The following IRAG1 variants were observed in gnomAD, a reference collection of about 807,000 sequenced individuals.
IRAG1 encodes inositol 1,4,5-triphosphate receptor associated 1.
Under a neutral mutation model 106.2 loss-of-function variants are expected in IRAG1, and 62 were observed. The observed-to-expected ratio is 0.58, with a 90% CI of 0.48 to 0.72. The LOEUF (loss-of-function observed/expected upper bound fraction) is 0.72, where lower values mean the gene tolerates loss of function less well. IRAG1 is among the 30% of genes least tolerant of loss of function. The probability of loss-of-function intolerance (pLI) is 0.00; values close to 1 mark genes in which losing one functional copy is unlikely to be tolerated. For synonymous variants in IRAG1, 462 were observed against 443.9 expected, an observed-to-expected ratio of 1.04 and a Z score of -0.51; for missense variants, 1,064 against 1,140.7, an observed-to-expected ratio of 0.93 and a Z score of 0.97.
At chr11:10,581,744 TG>T in intron 19 of IRAG1, 122 bp downstream of exon 19, 1 of 1,207,612 alleles carries the variant, frequency 8.3e-7, no homozygotes, top group Non-Finnish European at 1.1e-6. Context: ...TTCCTTCCTG[TG>T]GCAAGGAGGT....
chr11:10,577,975 C>G (rs887789659), intron 20 of IRAG1, among the ~76,000 whole-genome samples: 5 of 152,180 alleles, frequency 3.3e-5, no homozygotes, highest in Non-Finnish European at 7.4e-5. Context: ...TCTCTAGATT[C>G]TATTTAGACA....
At chr11:10,681,001 A>G (rs1431192102) in intron 1 of IRAG1, among the ~76,000 whole-genome samples, 1 of 152,150 alleles carries the variant, frequency 6.6e-6, no homozygotes, top group Non-Finnish European at 1.5e-5. Flanking sequence ...GGGAGGAGAA[A>G]GTGCTATGCA....
intron 10 of IRAG1, among the ~76,000 whole-genome samples, chr11:10,615,724 T>C (rs1215280525): frequency 6.6e-6 from 1 of 151,768 alleles, no homozygotes; most frequent in Non-Finnish European, 1.5e-5. Context: ...TAGGCGGGAA[T>C]TGAACAATGA....
In IRAG1 at chr11:10,680,413, G is replaced by GGAAAGAAAGAAA. The variant is rs1554935727; in HGVS notation, c.67+13122_67+13123insTTTCTTTCTTTC. On this transcript the variant is annotated intron_variant, in intron 1 of 20. Coordinates refer to ENST00000423302, the MANE Select transcript of IRAG1 (RefSeq NM_130385.4). ...GGAAGGAAGGAAGGAAGGAAAGAAA[G>GGAAAGAAAGAAA]GGAAAGAAAGAAAGAGAGGGAAGGA... Among the ~76,000 whole-genome samples, 257 of 65,750 alleles carry GGAAAGAAAGAAA rather than the reference G, an allele frequency of 3.9e-3. 3 individuals are homozygous for GGAAAGAAAGAAA. Among genetic ancestry groups the GGAAAGAAAGAAA allele is most frequent in the African/African-American group, 0.018 (247 of 13,484 alleles). The allele number at this position is 65,750 out of a possible 152,430, so 43.1% of individuals were successfully genotyped here. A position where few individuals can be genotyped will look rare whatever the true frequency, so the allele number is the denominator to read the frequency against.
chr11:10,641,476 A>G (rs983375962), intron 2 of IRAG1, among the ~76,000 whole-genome samples: 1 of 152,126 alleles, frequency 6.6e-6, no homozygotes, highest in African/African-American at 2.4e-5. Context: ...GGCCACCTTC[A>G]CCCGGCTCCA....
intron 1 of IRAG1, among the ~76,000 whole-genome samples, chr11:10,678,417 T>G (rs1313802550): frequency 6.6e-6 from 1 of 152,154 alleles, no homozygotes; most frequent in Non-Finnish European, 1.5e-5. Context: ...GAGCTTTCCT[T>G]TGTCTAAGCT....
intron 12 of IRAG1, among the ~76,000 whole-genome samples, chr11:10,604,868 G>A (rs1033898835): frequency 6.6e-6 from 1 of 152,218 alleles, no homozygotes; most frequent in East Asian, 1.9e-4. Context: ...ATAAACTCAG[G>A]CCAGTACAGC....
intron 1 of IRAG1, among the ~76,000 whole-genome samples, chr11:10,681,964 G>A (rs1861295208): frequency 6.6e-6 from 1 of 152,116 alleles, no homozygotes; most frequent in Non-Finnish European, 1.5e-5. Context: ...AAAACTCCAA[G>A]TATGAGTTTC....
chr11:10,580,474 C>T lies in IRAG1; in HGVS notation c.2476G>A (p.Glu826Lys), dbSNP rs778376788. 4.3e-6 allele frequency: 7 copies of T among 1,613,130 alleles called. No homozygotes were observed. The South Asian group carries it at 7.7e-5, about 18-fold the overall frequency. The change falls in exon 20 of 21, where the codon GAA (glutamate) becomes AAA (lysine). Residue 826 changes from glutamate to lysine, a missense_variant. Coordinates refer to ENST00000423302, the MANE Select transcript of IRAG1 (RefSeq NM_130385.4). ...TCCCACCTGCTTCTTGGGCCCTTTT[C>T]CTCTTCCTCAGTTTCTTCTACCTCT... ...PEEVEETEEE[E>K]KGPRSSKLEE...
intron 2 of IRAG1, among the ~76,000 whole-genome samples, chr11:10,637,841 T>C (rs1857251017): frequency 6.6e-6 from 1 of 151,942 alleles, no homozygotes; most frequent in African/African-American, 2.4e-5. Context: ...GGAAGCAGTG[T>C]GTCAAATGGC....
chr11:10,624,195 G>C (rs2134549591), intron 9 of IRAG1, among the ~76,000 whole-genome samples: 1 of 152,336 alleles, frequency 6.6e-6, no homozygotes, highest in African/African-American at 2.4e-5. Context: ...CACAGGGGCA[G>C]AACTAAGGGC....
At chr11:10,663,132 G>A (rs1859523456) in intron 1 of IRAG1, among the ~76,000 whole-genome samples, 1 of 152,178 alleles carries the variant, frequency 6.6e-6, no homozygotes, top group Non-Finnish European at 1.5e-5. Flanking sequence ...CCAGGAACCA[G>A]AAGAGGCACC....
chr11:10,647,440 T>TGCA lies in IRAG1; in HGVS notation c.225+4582_225+4584dup. Among the ~76,000 whole-genome samples, 1 of 152,196 alleles carries TGCA rather than the reference T, an allele frequency of 6.6e-6. No homozygotes were observed. Among genetic ancestry groups the TGCA allele is most frequent in the Non-Finnish European group, 1.5e-5 (1 of 68,026 alleles). Reference sequence around the variant, plus strand: ...GCTATTATTATTAAGTGGCTTTGTGTGCAGCGGAGGTAGGGGAACAGGGGA... The same window carrying TGCA: ...GCTATTATTATTAAGTGGCTTTGTGTGCAGCAGCGGAGGTAGGGGAACAGGGGA... On this transcript the variant is annotated intron_variant, in intron 2 of 20. Coordinates refer to ENST00000423302, the MANE Select transcript of IRAG1 (RefSeq NM_130385.4). The surrounding 1 kb of genome is among the most constrained non-coding windows in gnomAD (Gnocchi z 4.3).
rs1853491931 is a variant in IRAG1, at chr11:10,597,729, A to G, written c.2017+3189T>C. 2.0e-5 allele frequency among the ~76,000 whole-genome samples: 3 copies of G among 152,234 alleles called. No homozygotes were observed. In the South Asian group the frequency reaches 6.2e-4, roughly 32 times the overall value. On this transcript the variant is annotated intron_variant, in intron 15 of 20. Coordinates refer to ENST00000423302, the MANE Select transcript of IRAG1 (RefSeq NM_130385.4). The stretch of plus-strand genomic sequence containing the variant: ...TATTTTCCGAGGTTCTTAGGATATA[A>G]TCCTATTGTTTTGTGTAACTGATGA...
chr11:10,631,739 C>T (rs1856706336), intron 4 of IRAG1, among the ~76,000 whole-genome samples: 1 of 152,240 alleles, frequency 6.6e-6, no homozygotes, highest in African/African-American at 2.4e-5. Flanking sequence ...AAATGAGTTT[C>T]ACTCAGCTGT....
At chr11:10,625,937 C>T in intron 9 of IRAG1, 29 bp downstream of exon 9, 2 of 1,447,444 alleles carry the variant, frequency 1.4e-6, no homozygotes, top group Non-Finnish European at 9.1e-7. Context: ...GGAGTACACA[C>T]TCTGCCCAAC....
intron 20 of IRAG1, among the ~76,000 whole-genome samples, chr11:10,577,087 T>A (rs961727157): frequency 1.3e-5 from 2 of 152,220 alleles, no homozygotes; most frequent in Admixed American, 1.3e-4. Context: ...GTAGAAGGAC[T>A]GTGCTAAACT....
At chr11:10,584,014 GGCTGGGAGGT>G (rs1182576103) in intron 18 of IRAG1, among the ~76,000 whole-genome samples, 1 of 152,122 alleles carries the variant, frequency 6.6e-6, no homozygotes, top group Non-Finnish European at 1.5e-5. Flanking sequence ...TTGGTAAGAT[GGCTGGGAGGT>G]GCTGGGAGAT....
At chr11:10,606,670 G>A in intron 12 of IRAG1, 72 bp downstream of exon 12, 1 of 1,457,016 alleles carries the variant, frequency 6.9e-7, no homozygotes, top group East Asian at 2.4e-5. Flanking sequence ...CTAGAGTCTG[G>A]AGGAAGAAAT....
Sources: allele counts gnomAD v4.1 joint callset (sites outside exome capture counted in the v4.1 genomes callset), GRCh38; gene constraint gnomAD v4.1.1; non-coding constraint Gnocchi (gnomAD v3.1); transcripts MANE v1.5; gene names NCBI Gene and HGNC (gene_info 2026-07-23, HGNC 2026-07-21).